The following GRIA3 variants were observed in gnomAD, a reference collection of about 807,000 sequenced individuals.
GRIA3 encodes the protein glutamate receptor 3.
A neutral mutation model predicts 63.0 loss-of-function variants in GRIA3; 3 were observed. The ratio of observed to expected loss-of-function variants is 0.05; its 90% CI spans 0.02 to 0.12. The LOEUF (loss-of-function observed/expected upper bound fraction) is 0.12. Ranked by LOEUF, GRIA3 falls within the 10% of genes least tolerant of loss-of-function variation. The pLI is 1.00. For synonymous variants in GRIA3, 274 were observed against 257.9 expected (o/e 1.06, Z -0.60); for missense variants, 347 against 700.9 (o/e 0.50, Z 5.70).
At chrX:123,404,595 G>C in intron 9 of GRIA3, 113 bp from the exon 10 acceptor site, 1 of 524,926 alleles carries the variant, frequency 1.9e-6, no homozygotes. Context: ...CAATTTAAAG[G>C]CCTTTTTCAC....
At chrX:123,312,024 CT>C (rs932447010) in intron 3 of GRIA3, among the ~76,000 whole-genome samples, 1 of 111,954 alleles carries the variant, frequency 8.9e-6, no homozygotes, top group African/African-American at 3.2e-5. Flanking sequence ...ACTATGTACT[CT>C]TTAAGATTGG....
At chrX:123,418,034 C>A (rs1476075507) in intron 11 of GRIA3, 2 of 326,298 alleles carry the variant, frequency 6.1e-6, no homozygotes, top group Non-Finnish European at 1.0e-5. Context: ...TGGATAAAGG[C>A]AACATTGCCA....
chrX:123,309,073 C>T (rs1049508850), intron 3 of GRIA3, among the ~76,000 whole-genome samples: 10 of 112,112 alleles, frequency 8.9e-5, no homozygotes, highest in African/African-American at 3.2e-4. Context: ...AGGCGTATAA[C>T]TCCTGGAGTT....
At chrX:123,463,701 AAAG>A (rs2045815761) in intron 12 of GRIA3, among the ~76,000 whole-genome samples, 1 of 6,378 alleles carries the variant, frequency 1.6e-4, no homozygotes, top group African/African-American at 1.6e-3. Context: ...AAAGAAAGAA[AAAG>A]AAAGAAAGAA....
At chrX:123,232,502 T>C (rs1423870659) in intron 2 of GRIA3, among the ~76,000 whole-genome samples, 1 of 111,633 alleles carries the variant, frequency 9.0e-6, no homozygotes, top group African/African-American at 3.3e-5. Context: ...TTTTACAAGA[T>C]GAAAAGAGTT....
At chrX:123,333,358 G>A (rs1385285822) in intron 4 of GRIA3, among the ~76,000 whole-genome samples, 1 of 111,282 alleles carries the variant, frequency 9.0e-6, no homozygotes, top group Middle Eastern at 4.2e-3. Context: ...CCTCCAGAAT[G>A]GGCATTGAAA....
chrX:123,317,109 C>T (rs188750655), intron 3 of GRIA3, among the ~76,000 whole-genome samples: 5 of 111,392 alleles, frequency 4.5e-5, no homozygotes, highest in African/African-American at 6.5e-5. Context: ...AAGCAGAAAC[C>T]TCTGATAAAC....
chrX:123,301,094 G>C (rs1298245185), intron 3 of GRIA3, among the ~76,000 whole-genome samples: 1 of 110,979 alleles, frequency 9.0e-6, no homozygotes, highest in Non-Finnish European at 1.9e-5. Flanking sequence ...CTGATCACGT[G>C]GTCAATTTTA....
Position 123,386,331 on chromosome X carries a change from G to C in GRIA3, c.751-8637G>C, listed in dbSNP as rs554887657. The stretch of plus-strand genomic sequence containing the variant: ...GTTTTTGTTTTTTATTGAGTTGTTT[G>C]AGTTCCTTGTATATTCTGGATATTA... On this transcript the variant is annotated intron_variant, in intron 5 of 15. Coordinates refer to ENST00000620443, the MANE Select transcript of GRIA3 (RefSeq NM_007325.5). 9.9e-5 allele frequency among the ~76,000 whole-genome samples: 11 copies of C among 111,299 alleles called. No individual in the cohort carries two copies. The South Asian group carries it at 1.9e-3, about 19-fold the overall frequency.
chrX:123,479,584 C>T lies in GRIA3; in HGVS notation c.2325-479C>T, dbSNP rs142811516. ...TGTAGAATCTATTTTCAATTCTGTT[C>T]GGATTTATCCATTTGTCTCGGTCCA... On this transcript the variant is annotated intron_variant, in intron 13 of 15. Coordinates refer to ENST00000620443, the MANE Select transcript of GRIA3 (RefSeq NM_007325.5). 9.5e-3 allele frequency among the ~76,000 whole-genome samples: 1,064 copies of T among 111,968 alleles called. 10 individuals carry two copies. The highest frequency in any genetic ancestry group is 0.032 in the African/African-American group (997 of 30,813).
intron 4 of GRIA3, among the ~76,000 whole-genome samples, chrX:123,348,116 A>G (rs2045065269): frequency 8.9e-6 from 1 of 112,067 alleles, no homozygotes; most frequent in Non-Finnish European, 1.9e-5. Flanking sequence ...CAGTACCCAT[A>G]CAGTGCTTTC....
chrX:123,186,187 C>T (rs1392219368), intron 2 of GRIA3, among the ~76,000 whole-genome samples, 197 bp downstream of exon 2: 1 of 111,325 alleles, frequency 9.0e-6, no homozygotes, highest in Admixed American at 9.5e-5. Context: ...GTGGGAAAAA[C>T]TCAAGACAGT....
At chrX:123,412,242 G>A (rs920516179) in intron 10 of GRIA3, among the ~76,000 whole-genome samples, 9 of 111,792 alleles carry the variant, frequency 8.1e-5, no homozygotes, top group African/African-American at 2.9e-4. Context: ...TAACTAACTA[G>A]TGTTCAAAAT....
intron 2 of GRIA3, among the ~76,000 whole-genome samples, chrX:123,191,595 C>T (rs141047146): frequency 0.016 from 1,771 of 111,442 alleles, 36 homozygotes; most frequent in African/African-American, 0.055. Context: ...CCGTCCAGCT[C>T]GTCTAACTCC....
intron 5 of GRIA3, among the ~76,000 whole-genome samples, chrX:123,375,441 C>A (rs2045278572): frequency 9.0e-6 from 1 of 111,534 alleles, no homozygotes; most frequent in South Asian, 3.7e-4. Context: ...CTGGTTAATA[C>A]CGCCCTTGGA....
chrX:123,412,778 G>A (rs2045514138), intron 10 of GRIA3, among the ~76,000 whole-genome samples: 1 of 111,051 alleles, frequency 9.0e-6, no homozygotes, highest in South Asian at 3.8e-4. Flanking sequence ...GTTCATCATG[G>A]GGAATTCTCC....
chrX:123,217,201 C>T (rs1466592298), intron 2 of GRIA3, among the ~76,000 whole-genome samples: 4 of 111,274 alleles, frequency 3.6e-5, no homozygotes, highest in African/African-American at 1.3e-4. Flanking sequence ...TTCAGAAGGT[C>T]ACTGGAGAGG....
intron 5 of GRIA3, among the ~76,000 whole-genome samples, chrX:123,381,075 G>A (rs2147369337): frequency 9.0e-6 from 1 of 111,381 alleles, no homozygotes; most frequent in East Asian, 2.8e-4. Flanking sequence ...TTCCTCCTTG[G>A]CCATCTCTTC....
In GRIA3 at chrX:123,417,647, C is replaced by T; in HGVS notation, c.1746C>T (p.His582=). Residue 582 remains histidine, a synonymous_variant, in exon 11 of 16, where the codon CAC becomes CAT. Transcript: ENST00000620443. ...LVSRFSPYEW[H]LEDNNEEPRD... is the part of the protein sequence containing the mutation. ...GCAGGTTCAGTCCTTATGAATGGCA[C>T]TTGGAAGACAACAATGAAGAACCTC... 8.4e-7 allele frequency: 1 copy of T among 1,190,042 alleles called. No individual in the cohort carries two copies. The highest frequency in any genetic ancestry group is 1.1e-6 in the Non-Finnish European group (1 of 884,593).
Sources: gnomAD v4.1 joint callset for allele counts (sites outside exome capture counted in the v4.1 genomes callset) on GRCh38, gnomAD v4.1.1 for gene constraint, MANE v1.5 for transcripts, NCBI Gene and HGNC (gene_info 2026-07-23, HGNC 2026-07-21) for gene names.